CHFR: variants seen among roughly 807,000 people sequenced by gnomAD.
CHFR encodes the protein checkpoint with forkhead and ring finger domains, also known as E3 ubiquitin-protein ligase CHFR.
CHFR carries 57 observed loss-of-function variants against 87.6 expected under a neutral mutation model. That is an observed-to-expected ratio of 0.65 (90% CI 0.53 to 0.81). The LOEUF is 0.81. Ranked by LOEUF, CHFR falls within the 30% of genes least tolerant of loss-of-function variation. The pLI is 0.00. For synonymous variants in CHFR, 381 were observed against 359.2 expected (o/e 1.06, Z -0.69); for missense variants, 797 against 865.8 (o/e 0.92, Z 1.00).
At chr12:132,841,718 G>C (rs1268276917) in intron 17 of CHFR, 122 bp from the exon 18 acceptor site, 7 of 811,218 alleles carry the variant, frequency 8.6e-6, no homozygotes, top group Non-Finnish European at 1.3e-5. Context: ...CACAGAAAGA[G>C]CTACCTGAGA....
At chr12:132,872,258 A>G (rs1323117836) in intron 4 of CHFR, 27 bp downstream of exon 4, 2 of 1,507,426 alleles carry the variant, frequency 1.3e-6, no homozygotes, top group African/African-American at 1.4e-5. Context: ...TGCGGGTCTG[A>G]CCCCGGCAAG....
intron 15 of CHFR, among the ~76,000 whole-genome samples, chr12:132,845,528 T>C (rs1360175069): frequency 6.6e-6 from 1 of 151,930 alleles, no homozygotes; most frequent in Non-Finnish European, 1.5e-5. Context: ...CACACGCTTG[T>C]GGTCCCAGCT....
intron 3 of CHFR, among the ~76,000 whole-genome samples, chr12:132,874,017 C>T (rs769734908): frequency 6.6e-6 from 1 of 152,176 alleles, no homozygotes; most frequent in Non-Finnish European, 1.5e-5. Flanking sequence ...AGCACCCCTC[C>T]CCTCCAGCCC....
rs987021454 is a variant in CHFR at position 132,837,217 on chromosome 12, G to C, written c.*4337C>G. ...CTGGGCCTTCAAGGGCCATGATATG[G>C]TTATCATTACTATGTAATAAACCAC... On this transcript the variant is annotated 3_prime_UTR_variant, in exon 18 of 18. Transcript: ENST00000450056. The C allele has an allele frequency of 4.3e-6, 1 of 233,504 alleles. No individual in the cohort carries two copies. The highest frequency in any genetic ancestry group is 2.3e-5 in the African/African-American group (1 of 43,158). 14.5% of individuals were successfully genotyped at this position (233,504 alleles called of 1,614,324 possible).
rs1240059249 is a variant in CHFR, at chr12:132,836,704, C to CACCGCCTCAGAAGGAGACA, written c.*4831_*4849dup. 2.2e-6 allele frequency: 1 copy of CACCGCCTCAGAAGGAGACA among 456,112 alleles called. No individual in the cohort carries two copies. Among genetic ancestry groups the CACCGCCTCAGAAGGAGACA allele is most frequent in the Admixed American group, 2.3e-5 (1 of 42,568 alleles). The allele number at this position is 456,112 out of a possible 1,614,324, so 28.3% of individuals were successfully genotyped here. On this transcript the variant is annotated 3_prime_UTR_variant, in exon 18 of 18. Coordinates refer to ENST00000450056, the MANE Select transcript of CHFR (RefSeq NM_001161346.2). ...ACTTTAAGACCCCACCATCTAGACT[C>CACCGCCTCAGAAGGAGACA]ACCGCCTCAGAAGGAGACAACCGTG...
intron 6 of CHFR, 111 bp from the exon 7 acceptor site, chr12:132,861,745 G>T: frequency 1.0e-6 from 1 of 976,480 alleles, no homozygotes. Flanking sequence ...CTGAGATGTC[G>T]TAGTTTAGGA....
At chr12:132,866,318 GAATGTTACAACACACCA>G (rs1190003438) in intron 6 of CHFR, 7 of 152,054 alleles carry the variant, frequency 4.6e-5, no homozygotes, top group Non-Finnish European at 8.8e-5. Context: ...TAACACACCG[GAATGTTACAACACACCA>G]AATGTTACAA....
At chr12:132,877,992 C>T (rs571390332) in intron 2 of CHFR, among the ~76,000 whole-genome samples, 38 of 152,134 alleles carry the variant, frequency 2.5e-4, no homozygotes, top group Admixed American at 1.4e-3. Context: ...TTAGTAGAGA[C>T]GGGGTTTCAC....
At chr12:132,884,305 G>A (rs1213693518) in intron 2 of CHFR, among the ~76,000 whole-genome samples, 1 of 151,832 alleles carries the variant, frequency 6.6e-6, no homozygotes, top group East Asian at 1.9e-4. Flanking sequence ...TGTAATCCCA[G>A]CTACTCGGGA....
intron 6 of CHFR, among the ~76,000 whole-genome samples, chr12:132,865,351 T>C (rs1006510473): frequency 2.6e-5 from 4 of 151,992 alleles, no homozygotes; most frequent in South Asian, 2.1e-4. Flanking sequence ...TATTCAAATC[T>C]GGCATGTTTT....
chr12:132,848,963 T>C, intron 12 of CHFR: 3 of 508,178 alleles, frequency 5.9e-6, no homozygotes, highest in Non-Finnish European at 3.5e-6. Flanking sequence ...TGTTATTTTT[T>C]AGAGATGGAG....
At chr12:132,864,872 C>T (rs1451652189) in intron 6 of CHFR, among the ~76,000 whole-genome samples, 1 of 152,162 alleles carries the variant, frequency 6.6e-6, no homozygotes, top group East Asian at 1.9e-4. Context: ...ATTATGCAAA[C>T]CGTATTACCC....
intron 15 of CHFR, 122 bp downstream of exon 15, chr12:132,846,921 G>T: frequency 1.4e-6 from 1 of 722,974 alleles, no homozygotes; most frequent in South Asian, 1.6e-5. Context: ...GAAAGCATCA[G>T]GATCTTTTTC....
chr12:132,884,160 T>C (rs2137073356), intron 2 of CHFR, among the ~76,000 whole-genome samples: 1 of 151,928 alleles, frequency 6.6e-6, no homozygotes, highest in East Asian at 2.0e-4. Flanking sequence ...GGCTCACGCC[T>C]GTAATCCCAG....
In CHFR at chr12:132,848,361, T is replaced by C. The variant is rs558196044; in HGVS notation, c.1577-206A>G. 3.8e-5 allele frequency: 36 copies of C among 956,280 alleles called. No individual in the cohort carries two copies. In the African/African-American group the frequency reaches 4.4e-4, roughly 12 times the overall value. 59.2% of individuals were successfully genotyped at this position (956,280 alleles called of 1,614,324 possible). A position where few individuals can be genotyped will look rare whatever the true frequency, so the allele number is the denominator to read the frequency against. ...TCCTTAAAAAGATCAGCTCTCCGAG[T>C]CTCCCCAGCACCTGGTCTTGGTATC... is the stretch of plus-strand genomic sequence containing the variant. On this transcript the variant is annotated intron_variant, in intron 13 of 17. Coordinates refer to ENST00000450056, the MANE Select transcript of CHFR (RefSeq NM_001161346.2).
rs559705268 is a variant in CHFR, at chr12:132,841,422, G to A, written c.*132C>T. On this transcript the variant is annotated 3_prime_UTR_variant, in exon 18 of 18. Coordinates refer to ENST00000450056, the MANE Select transcript of CHFR (RefSeq NM_001161346.2). ...AAAGCTCCACAGAAGAGTCACCCCA[G>A]AGCACCTGTCGGAGACCCTGCGTCC... 2.5e-6 allele frequency: 2 copies of A among 788,046 alleles called. No homozygotes were observed. Among genetic ancestry groups the A allele is most frequent in the African/African-American group, 3.4e-5 (2 of 58,902 alleles). 48.8% of individuals were successfully genotyped at this position (788,046 alleles called of 1,614,324 possible). A position where few individuals can be genotyped will look rare whatever the true frequency, so the allele number is the denominator to read the frequency against.
chr12:132,866,219 A>T (rs1951332251), intron 6 of CHFR: 1 of 152,178 alleles, frequency 6.6e-6, no homozygotes, highest in African/African-American at 2.4e-5. Context: ...TAGTGTCCCC[A>T]ATTAGCACCT....
intron 2 of CHFR, 135 bp from the exon 3 acceptor site, chr12:132,877,789 G>C: frequency 2.0e-6 from 1 of 498,592 alleles, no homozygotes; most frequent in Non-Finnish European, 3.5e-6. Flanking sequence ...ACTTGACCAA[G>C]AAAGACATAA....
At chr12:132,886,920 G>A (rs1206267445) in intron 2 of CHFR, among the ~76,000 whole-genome samples, 22 of 152,166 alleles carry the variant, frequency 1.4e-4, no homozygotes, top group Admixed American at 1.4e-3. Context: ...ATTACAGTCA[G>A]AAAAGATACT....
Sources: allele counts gnomAD v4.1 joint callset (sites outside exome capture counted in the v4.1 genomes callset), GRCh38; gene constraint gnomAD v4.1.1; transcripts MANE v1.5; gene names NCBI Gene and HGNC (gene_info 2026-07-23, HGNC 2026-07-21).